ANP32B: variants seen among roughly 807,000 people sequenced by gnomAD.
The protein encoded by ANP32B is acidic nuclear phosphoprotein 32 family member B.
Under a neutral mutation model 32.2 loss-of-function variants are expected in ANP32B, and 6 were observed. The observed-to-expected ratio is 0.19, with a 90% CI of 0.10 to 0.37. The LOEUF is 0.37. Among genes scored for constraint, ANP32B ranks in the 10% least tolerant of loss-of-function variants. The probability of loss-of-function intolerance (pLI) is 1.00; values close to 1 mark genes in which losing one functional copy is unlikely to be tolerated. For missense variants in ANP32B, 204 were observed against 289.2 expected (o/e 0.71, Z 2.14); for synonymous variants, 98 against 105.8 (o/e 0.93, Z 0.45).
At chr9:97,986,915 A>G (rs1327276264) in intron 1 of ANP32B, 1 of 152,220 alleles carries the variant, frequency 6.6e-6, no homozygotes, top group Non-Finnish European at 1.5e-5. Flanking sequence ...TTAATTGTAA[A>G]TATGTTCTTA....
chr9:97,983,684 C>T, intron 1 of ANP32B, 75 bp downstream of exon 1: 2 of 1,252,848 alleles, frequency 1.6e-6, no homozygotes, highest in Non-Finnish European at 2.2e-6. Context: ...GGGGCCCGGG[C>T]TGAGGGTTCG....
chr9:97,984,743 C>A (rs1251163560), intron 1 of ANP32B: 2 of 150,162 alleles, frequency 1.3e-5, no homozygotes, highest in Non-Finnish European at 3.0e-5. Flanking sequence ...GCGGGAGCCG[C>A]GCGCCGCGGC....
chr9:98,013,552 G>C (rs1828223373), intron 6 of ANP32B, among the ~76,000 whole-genome samples: 1 of 152,162 alleles, frequency 6.6e-6, no homozygotes, highest in African/African-American at 2.4e-5. Flanking sequence ...ATTTAATACT[G>C]TTGAAAGTAT....
chr9:98,011,876 A>G (rs1415468344), intron 5 of ANP32B, among the ~76,000 whole-genome samples: 1 of 152,226 alleles, frequency 6.6e-6, no homozygotes, highest in Non-Finnish European at 1.5e-5. Context: ...GAAATACCCA[A>G]TAATAGAGGA....
intron 3 of ANP32B, among the ~76,000 whole-genome samples, chr9:98,002,870 T>C (rs1289272591): frequency 6.6e-6 from 1 of 152,196 alleles, no homozygotes; most frequent in Non-Finnish European, 1.5e-5. Context: ...TAGGAAATAA[T>C]TCTGAAATAT....
At chr9:98,007,293 GGCTGCAGTTAA>G (rs1300913447) in intron 4 of ANP32B, among the ~76,000 whole-genome samples, 2 of 152,204 alleles carry the variant, frequency 1.3e-5, no homozygotes, top group Non-Finnish European at 2.9e-5. Context: ...TTTTAGGAGA[GGCTGCAGTTAA>G]GCTGCAGTTC....
chr9:97,998,343 G>GCAGCT (rs1354586426), intron 2 of ANP32B, among the ~76,000 whole-genome samples: 1 of 152,186 alleles, frequency 6.6e-6, no homozygotes, highest in Non-Finnish European at 1.5e-5. Flanking sequence ...GCTGTTATTA[G>GCAGCT]CAGCTGATTA....
chr9:98,005,892 A>G lies in ANP32B; in HGVS notation c.517+739A>G, dbSNP rs564494219. On this transcript the variant is annotated intron_variant, in intron 4 of 6. Coordinates refer to ENST00000339399, the MANE Select transcript of ANP32B (RefSeq NM_006401.3). ...ACTACTCCATGACCTGTTAGAAACCAGGCCGCATGAGCAGTGAGGAAGCCT... is the reference window on the plus strand; with the variant it reads ...ACTACTCCATGACCTGTTAGAAACCGGGCCGCATGAGCAGTGAGGAAGCCT... 5.9e-5 allele frequency among the ~76,000 whole-genome samples: 9 copies of G among 152,342 alleles called. No individual in the cohort carries two copies. The South Asian group carries it at 1.9e-3, about 32-fold the overall frequency.
chr9:97,985,964 G>A lies in ANP32B; in HGVS notation c.54+2355G>A, dbSNP rs1222559090. ...AACCTCCCGCGTAGCTGGGATTACA[G>A]GCATGCGCCACCATGCTCGGCTAAT... On this transcript the variant is annotated intron_variant, in intron 1 of 6. Coordinates refer to ENST00000339399, the MANE Select transcript of ANP32B (RefSeq NM_006401.3). Among the ~76,000 whole-genome samples, 7 of 152,186 alleles carry A rather than the reference G, an allele frequency of 4.6e-5. No individual in the cohort carries two copies. The East Asian group carries it at 1.3e-3, about 29-fold the overall frequency.
chr9:98,009,668 G>C (rs1390513764), intron 4 of ANP32B, among the ~76,000 whole-genome samples: 2 of 152,282 alleles, frequency 1.3e-5, no homozygotes, highest in Non-Finnish European at 2.9e-5. Flanking sequence ...ACCACCTGCT[G>C]TGCGGCCCAG....
intron 1 of ANP32B, among the ~76,000 whole-genome samples, chr9:97,990,481 A>G (rs1827805502): frequency 6.6e-6 from 1 of 151,700 alleles, no homozygotes; most frequent in Non-Finnish European, 1.5e-5. Context: ...TTCCCCAGTG[A>G]CTCATCTTCT....
intron 3 of ANP32B, 179 bp from the exon 4 acceptor site, chr9:98,004,785 A>T: frequency 2.2e-6 from 1 of 464,944 alleles, no homozygotes; most frequent in Non-Finnish European, 3.8e-6. Context: ...GAAGAGAGGG[A>T]CTAAAGTCTA....
chr9:97,997,023 C>G (rs1483816391), intron 2 of ANP32B, among the ~76,000 whole-genome samples: 1 of 152,152 alleles, frequency 6.6e-6, no homozygotes, highest in Non-Finnish European at 1.5e-5. Flanking sequence ...TTTTGGTAGA[C>G]TGCCTTGTTT....
chr9:98,005,490 C>G (rs567054414), intron 4 of ANP32B, among the ~76,000 whole-genome samples: 1 of 152,096 alleles, frequency 6.6e-6, no homozygotes, highest in African/African-American at 2.4e-5. Flanking sequence ...CCCCACTGCA[C>G]TCCGTCTCAG....
At chr9:97,988,546 G>A (rs533999427) in intron 1 of ANP32B, among the ~76,000 whole-genome samples, 61 of 152,122 alleles carry the variant, frequency 4.0e-4, no homozygotes, top group Non-Finnish European at 5.0e-4. Context: ...GCAACATGGC[G>A]AAACCCCGTC....
intron 6 of ANP32B, among the ~76,000 whole-genome samples, chr9:98,014,778 G>A (rs556465557): frequency 3.9e-5 from 6 of 152,306 alleles, no homozygotes; most frequent in African/African-American, 1.4e-4. Context: ...TTTGGAGACA[G>A]TTTCGCTCTT....
At chr9:98,003,465 A>G (rs1388607955) in intron 3 of ANP32B, among the ~76,000 whole-genome samples, 1 of 152,170 alleles carries the variant, frequency 6.6e-6, no homozygotes, top group Non-Finnish European at 1.5e-5. Context: ...GGAGCCATAC[A>G]TAAATAAATG....
intron 2 of ANP32B, among the ~76,000 whole-genome samples, chr9:97,996,503 A>G (rs185359786): frequency 6.6e-6 from 1 of 152,354 alleles, no homozygotes. Context: ...TATAGGGCTA[A>G]TGAGAGGGAA....
At chr9:97,994,944 T>A (rs771352930) in intron 2 of ANP32B, among the ~76,000 whole-genome samples, 164 bp downstream of exon 2, 4 of 152,206 alleles carry the variant, frequency 2.6e-5, no homozygotes, top group Non-Finnish European at 5.9e-5. Context: ...ATGGGCAAAC[T>A]TCTGCAGGTT....
Sources: allele counts gnomAD v4.1 joint callset (sites outside exome capture counted in the v4.1 genomes callset), GRCh38; gene constraint gnomAD v4.1.1; transcripts MANE v1.5; gene names NCBI Gene and HGNC (gene_info 2026-07-23, HGNC 2026-07-21).